ZSWIM6: variants seen among roughly 807,000 people sequenced by gnomAD.
The protein encoded by ZSWIM6 is zinc finger SWIM-type containing 6.
In ZSWIM6, 9 loss-of-function variants were observed where a neutral mutation model predicts 113.2. The observed-to-expected ratio is 0.08, with a 90% confidence interval of 0.05 to 0.14. The LOEUF (loss-of-function observed/expected upper bound fraction) is 0.14, where lower values mean the gene tolerates loss of function less well. Ranked by LOEUF, ZSWIM6 falls within the 10% of genes least tolerant of loss-of-function variation. The pLI is 1.00. For missense variants in ZSWIM6, 1,162 were observed against 1,552.2 expected (o/e 0.75, Z 4.22); for synonymous variants, 611 against 606.5 (o/e 1.01, Z -0.11).
chr5:61,450,839 G>A (rs1190383820), intron 1 of ZSWIM6, among the ~76,000 whole-genome samples: 1 of 152,144 alleles, frequency 6.6e-6, no homozygotes, highest in African/African-American at 2.4e-5. Context: ...TAGGGAAGAG[G>A]AACCCCAGGA....
At chr5:61,458,135 G>C (rs1049876743) in intron 1 of ZSWIM6, among the ~76,000 whole-genome samples, 8 of 152,124 alleles carry the variant, frequency 5.3e-5, no homozygotes, top group African/African-American at 1.7e-4. Flanking sequence ...TGAGTATGTA[G>C]ATGCTTGGAT....
chr5:61,407,921 C>A (rs879427802), intron 1 of ZSWIM6, among the ~76,000 whole-genome samples: 2 of 152,154 alleles, frequency 1.3e-5, no homozygotes, highest in African/African-American at 2.4e-5. Context: ...AAGGTACAGT[C>A]TCAGTGGAGG....
At chr5:61,391,896 AGC>A in intron 1 of ZSWIM6, 1 of 596,848 alleles carries the variant, frequency 1.7e-6, no homozygotes, top group African/African-American at 1.9e-5. Flanking sequence ...CTGCCGGTAG[AGC>A]AAAAAATGGT....
intron 1 of ZSWIM6, among the ~76,000 whole-genome samples, chr5:61,334,893 G>GTT (rs35540222): frequency 2.1e-5 from 3 of 143,786 alleles, no homozygotes; most frequent in South Asian, 2.2e-4. Context: ...AATGTTGAGG[G>GTT]TTTTTTTTTT....
At chr5:61,393,939 T>C (rs1183632405) in intron 1 of ZSWIM6, among the ~76,000 whole-genome samples, 3 of 152,112 alleles carry the variant, frequency 2.0e-5, no homozygotes, top group East Asian at 1.9e-4. Flanking sequence ...ATATGATGTA[T>C]AAAATAGAAG....
intron 4 of ZSWIM6, among the ~76,000 whole-genome samples, chr5:61,507,610 T>C (rs1748659050): frequency 6.6e-6 from 1 of 152,226 alleles, no homozygotes; most frequent in Non-Finnish European, 1.5e-5. Context: ...AAATTACTTA[T>C]TTGCTTTGCC....
intron 9 of ZSWIM6, among the ~76,000 whole-genome samples, chr5:61,534,031 A>G (rs948387686): frequency 2.0e-5 from 3 of 152,102 alleles, no homozygotes; most frequent in Non-Finnish European, 4.4e-5. Context: ...TTATGACCTC[A>G]TTTTACTTTA....
intron 2 of ZSWIM6, among the ~76,000 whole-genome samples, chr5:61,476,251 G>C (rs770309887): frequency 6.6e-6 from 1 of 152,074 alleles, no homozygotes; most frequent in South Asian, 2.1e-4. Flanking sequence ...GGGAATTAAA[G>C]TTTTTCAAGC....
chr5:61,345,890 T>C (rs1409702375), intron 1 of ZSWIM6, among the ~76,000 whole-genome samples: 2 of 152,206 alleles, frequency 1.3e-5, no homozygotes, highest in African/African-American at 4.8e-5. Context: ...TAGTGAAAGG[T>C]GAATTGCTTG....
At chr5:61,364,997 C>T (rs1023613793) in intron 1 of ZSWIM6, among the ~76,000 whole-genome samples, 1 of 152,156 alleles carries the variant, frequency 6.6e-6, no homozygotes, top group African/African-American at 2.4e-5. Flanking sequence ...TACTATCTGG[C>T]TCTTTACAGA....
chr5:61,344,422 A>T (rs1744613044), intron 1 of ZSWIM6, among the ~76,000 whole-genome samples: 1 of 152,328 alleles, frequency 6.6e-6, no homozygotes, highest in Non-Finnish European at 1.5e-5. Flanking sequence ...TGAGGGCAGC[A>T]GGTGCGGAAG....
chr5:61,451,432 A>G (rs141066867), intron 1 of ZSWIM6, among the ~76,000 whole-genome samples: 283 of 152,310 alleles, frequency 1.9e-3, no homozygotes, highest in African/African-American at 6.3e-3. Flanking sequence ...TTTTGAAGAC[A>G]GATGCATAAG....
At chr5:61,452,309 C>G (rs544499899) in intron 1 of ZSWIM6, among the ~76,000 whole-genome samples, 133 of 152,178 alleles carry the variant, frequency 8.7e-4, no homozygotes, top group African/African-American at 3.1e-3. Context: ...GAATATATTA[C>G]AGCTTATTGA....
At chr5:61,424,855 A>G (rs12188627) in intron 1 of ZSWIM6, among the ~76,000 whole-genome samples, 78,831 of 150,822 alleles carry the variant, frequency 0.52, 21,387 homozygotes, top group African/African-American at 0.65. Context: ...AGCCTCCTGG[A>G]TAGCTGGGAT....
intron 1 of ZSWIM6, among the ~76,000 whole-genome samples, chr5:61,464,202 T>C: frequency 7.4e-6 from 1 of 134,278 alleles, no homozygotes; most frequent in Admixed American, 8.1e-5. Flanking sequence ...GCATTTTTAG[T>C]AGAGATGAGG....
At chr5:61,354,086 C>T (rs936896873) in intron 1 of ZSWIM6, among the ~76,000 whole-genome samples, 7 of 152,206 alleles carry the variant, frequency 4.6e-5, no homozygotes, top group Non-Finnish European at 1.0e-4. Flanking sequence ...GAAAGGTTAT[C>T]TTTCCAGGCA....
intron 4 of ZSWIM6, among the ~76,000 whole-genome samples, chr5:61,500,415 C>T (rs1270197748): frequency 1.3e-5 from 2 of 152,056 alleles, no homozygotes; most frequent in Admixed American, 6.6e-5. Context: ...CATGAGCCAC[C>T]GTACCTAGCC....
In ZSWIM6 at chr5:61,493,867, AACTGGAAAAAAAGTTTCT is replaced by A. The variant is rs553855374; in HGVS notation, c.1183-386_1183-369del. On this transcript the variant is annotated intron_variant, in intron 3 of 13. Coordinates refer to ENST00000252744, the MANE Select transcript of ZSWIM6 (RefSeq NM_020928.2). ...AGATAAGAGAGATACTTTGAAGGAGAACTGGAAAAAAAGTTTCTACTGGACATATGAAACACGATTTAC... is the reference window on the plus strand; with the variant it reads ...AGATAAGAGAGATACTTTGAAGGAGAACTGGACATATGAAACACGATTTAC... Among the ~76,000 whole-genome samples, 528 of 152,178 alleles carry A rather than the reference AACTGGAAAAAAAGTTTCT, an allele frequency of 3.5e-3. 3 individuals are homozygous for A. Among genetic ancestry groups the A allele is most frequent in the Non-Finnish European group, 5.9e-3 (402 of 67,992 alleles).
chr5:61,478,711 G>GTGTGTGTT (rs1747774085), intron 2 of ZSWIM6, among the ~76,000 whole-genome samples: 1 of 151,618 alleles, frequency 6.6e-6, no homozygotes. Flanking sequence ...GTGTTTGTGT[G>GTGTGTGTT]TGTGTGTGTG....
Sources: allele counts gnomAD v4.1 joint callset (sites outside exome capture counted in the v4.1 genomes callset), GRCh38; gene constraint gnomAD v4.1.1; transcripts MANE v1.5; gene names NCBI Gene and HGNC (gene_info 2026-07-23, HGNC 2026-07-21).